Variants in CTBP2 observed in about 807,000 individuals in gnomAD.
CTBP2 encodes the protein C-terminal-binding protein 2.
In CTBP2, 30 loss-of-function variants were observed where a neutral mutation model predicts 80.3. The observed-to-expected ratio is 0.37, with a 90% CI of 0.28 to 0.51. CTBP2 has a LOEUF of 0.51. Ranked by LOEUF, CTBP2 falls within the 20% of genes least tolerant of loss-of-function variation. The pLI is 0.93. For missense variants in CTBP2, 1,212 were observed against 1,375.3 expected (o/e 0.88, Z 1.88); for synonymous variants, 594 against 587.4 (o/e 1.01, Z -0.16).
intron 2 of CTBP2, among the ~76,000 whole-genome samples, chr10:125,065,572 G>A (rs191432783): frequency 2.8e-3 from 426 of 152,228 alleles, no homozygotes; most frequent in Non-Finnish European, 5.2e-3. Flanking sequence ...CAGCTCCCCA[G>A]GATTTGTTTT....
At chr10:125,070,997 T>G (rs1197238176) in intron 2 of CTBP2, among the ~76,000 whole-genome samples, 1 of 152,258 alleles carries the variant, frequency 6.6e-6, no homozygotes, top group African/African-American at 2.4e-5. Context: ...TCCCTCACAC[T>G]GCATTCCTGC....
chr10:125,039,732 G>A (rs1209679331), intron 2 of CTBP2, among the ~76,000 whole-genome samples: 3 of 152,218 alleles, frequency 2.0e-5, no homozygotes, highest in Non-Finnish European at 2.9e-5. Context: ...CCTAACCAAC[G>A]TTCCTCCGAT....
chr10:125,091,683 C>T (rs373661508), intron 2 of CTBP2, among the ~76,000 whole-genome samples: 1 of 152,192 alleles, frequency 6.6e-6, no homozygotes, highest in Non-Finnish European at 1.5e-5. Context: ...TGAGGCAGGA[C>T]TGCTTGAGCC....
chr10:125,067,984 A>G (rs2935650), intron 2 of CTBP2, among the ~76,000 whole-genome samples: 103,022 of 152,126 alleles, frequency 0.68, 35,897 homozygotes, highest in African/African-American at 0.84. Flanking sequence ...TCACCTGTCC[A>G]CTTGCCACAG....
At chr10:125,115,910 T>C (rs1853179574) in intron 1 of CTBP2, among the ~76,000 whole-genome samples, 1 of 152,158 alleles carries the variant, frequency 6.6e-6, no homozygotes, top group South Asian at 2.1e-4. Flanking sequence ...CAGAGTAGTC[T>C]ACAGTCTTCG....
chr10:125,150,926 G>A (rs1859728808), intron 1 of CTBP2, among the ~76,000 whole-genome samples: 1 of 150,172 alleles, frequency 6.7e-6, no homozygotes, highest in Non-Finnish European at 1.5e-5. Context: ...TCCAGGAAAA[G>A]GCCAGACACC....
chr10:125,088,991 T>C (rs1848393321), intron 2 of CTBP2, among the ~76,000 whole-genome samples: 1 of 152,218 alleles, frequency 6.6e-6, no homozygotes, highest in South Asian at 2.1e-4. Flanking sequence ...TTACTCTAGC[T>C]GGGATTCACA....
intron 2 of CTBP2, among the ~76,000 whole-genome samples, chr10:125,109,225 G>A (rs138154214): frequency 6.0e-4 from 92 of 152,312 alleles, no homozygotes; most frequent in Admixed American, 9.2e-4. Context: ...TCTATGAAAC[G>A]TAATGATGGT....
In CTBP2 at chr10:124,984,884, C is replaced by T; in HGVS notation, c.*4634G>A. On this transcript the variant is annotated 3_prime_UTR_variant, in exon 9 of 9. Coordinates refer to ENST00000309035, the MANE Select transcript of CTBP2 (RefSeq NM_022802.3). Reference sequence around the variant, plus strand: ...AGAAGAGTTCTCGGCGGCGAAATCACCCCCTGGTCACTCAGATGGTAGAAA... The same window carrying T: ...AGAAGAGTTCTCGGCGGCGAAATCATCCCCTGGTCACTCAGATGGTAGAAA... 1 of 1,613,976 alleles carries T rather than the reference C, an allele frequency of 6.2e-7. No homozygotes were observed. The highest frequency in any genetic ancestry group is 8.5e-7 in the Non-Finnish European group (1 of 1,180,010).
intron 3 of CTBP2, 75 bp from the exon 6 acceptor site, chr10:124,998,245 G>A (rs996817725): frequency 6.7e-6 from 10 of 1,501,300 alleles, no homozygotes; most frequent in South Asian, 2.5e-5. Flanking sequence ...CTCCCAGCCC[G>A]CCCTCCTGAG....
At chr10:125,038,946 T>C (rs374552379) in intron 3 of CTBP2, 51 bp downstream of exon 3, 24 of 1,583,518 alleles carry the variant, frequency 1.5e-5, no homozygotes, top group Non-Finnish European at 1.9e-5. Flanking sequence ...CAGCGAAGAT[T>C]TGAGTGAGGG....
intron 1 of CTBP2, among the ~76,000 whole-genome samples, chr10:125,150,740 T>C (rs1198221942): frequency 6.7e-6 from 1 of 148,986 alleles, no homozygotes; most frequent in Non-Finnish European, 1.5e-5. Context: ...AGTGAGTCTG[T>C]GATCCAGAGT....
At chr10:125,151,324 CG>C (rs1859826906) in intron 1 of CTBP2, among the ~76,000 whole-genome samples, 1 of 152,138 alleles carries the variant, frequency 6.6e-6, no homozygotes, top group Non-Finnish European at 1.5e-5. Context: ...TGGGAGCCGC[CG>C]GGGTGAACAG....
At chr10:125,058,050 C>G (rs1239811648) in intron 2 of CTBP2, among the ~76,000 whole-genome samples, 1 of 152,090 alleles carries the variant, frequency 6.6e-6, no homozygotes, top group Non-Finnish European at 1.5e-5. Context: ...TAAAGCATTT[C>G]TAACTTGGAG....
intron 3 of CTBP2, among the ~76,000 whole-genome samples, chr10:125,034,552 T>C (rs60389023): frequency 0.017 from 2,608 of 152,358 alleles, 81 homozygotes; most frequent in African/African-American, 0.06. Flanking sequence ...ATAATTATAA[T>C]GTATAGCAAC....
chr10:125,132,042 C>A (rs533582307), intron 1 of CTBP2, among the ~76,000 whole-genome samples: 22 of 152,250 alleles, frequency 1.4e-4, no homozygotes, highest in African/African-American at 4.6e-4. Flanking sequence ...CACTCTGGGT[C>A]TCTGAACACA....
At chr10:125,138,135 G>C (rs1360115241) in intron 1 of CTBP2, 1 of 152,232 alleles carries the variant, frequency 6.6e-6, no homozygotes, top group African/African-American at 2.4e-5. Flanking sequence ...ACAAAGTCCA[G>C]GGCAGGTTGC....
intron 2 of CTBP2, among the ~76,000 whole-genome samples, chr10:125,050,747 C>T (rs1325411855): frequency 1.3e-5 from 2 of 152,218 alleles, no homozygotes; most frequent in Non-Finnish European, 2.9e-5. Flanking sequence ...CTGACGAGTA[C>T]ACCACCCCAT....
chr10:125,061,352 G>A (rs1308558104), intron 2 of CTBP2, among the ~76,000 whole-genome samples: 1 of 152,194 alleles, frequency 6.6e-6, no homozygotes, highest in Admixed American at 6.5e-5. Flanking sequence ...GGCATCCGGG[G>A]CGACACCCAC....
Sources: gnomAD v4.1 joint callset for allele counts (sites outside exome capture counted in the v4.1 genomes callset) on GRCh38, gnomAD v4.1.1 for gene constraint, MANE v1.5 for transcripts, NCBI Gene and HGNC (gene_info 2026-07-23, HGNC 2026-07-21) for gene names.